HACE1: variants seen among roughly 807,000 people sequenced by gnomAD.
HACE1 encodes the protein HECT domain and ankyrin repeat containing E3 ubiquitin protein ligase 1.
HACE1 carries 73 observed loss-of-function variants against 118.4 expected under a neutral mutation model. The ratio of observed to expected loss-of-function variants is 0.62; its 90% CI spans 0.51 to 0.75. The LOEUF (loss-of-function observed/expected upper bound fraction) is 0.75, where lower values mean the gene tolerates loss of function less well. Ranked by LOEUF, HACE1 falls within the 30% of genes least tolerant of loss-of-function variation. The pLI, the probability that HACE1 is intolerant of heterozygous loss-of-function variation, is 0.00. For missense variants in HACE1, 749 were observed against 1,102.2 expected (o/e 0.68, Z 4.54); for synonymous variants, 368 against 374.8 (o/e 0.98, Z 0.21).
chr6:104,838,890 TAAAAA>T (rs71003448), intron 5 of HACE1, among the ~76,000 whole-genome samples: 12 of 58,858 alleles, frequency 2.0e-4, no homozygotes, highest in Middle Eastern at 0.011. Flanking sequence ...AACTCCATAG[TAAAAA>T]AAAAAAAAAA....
intron 11 of HACE1, 64 bp downstream of exon 11, chr6:104,791,437 ATGC>A: frequency 7.4e-7 from 1 of 1,346,690 alleles, no homozygotes; most frequent in Non-Finnish European, 1.1e-6. Flanking sequence ...TGATTAATGA[ATGC>A]ATGCTTTGTC....
At chr6:104,743,162 T>G in intron 22 of HACE1, among the ~76,000 whole-genome samples, 1 of 83,402 alleles carries the variant, frequency 1.2e-5, no homozygotes, top group African/African-American at 4.6e-5. Context: ...GGGACTGTTG[T>G]GGGGTGGGGG....
intron 1 of HACE1, chr6:104,858,424 G>A (rs1776957162): frequency 2.5e-5 from 8 of 325,702 alleles, no homozygotes; most frequent in Non-Finnish European, 4.9e-5. Flanking sequence ...CCCCAGGCCA[G>A]GCGCGGTGGC....
At chr6:104,827,466 CT>C (rs1333426244) in intron 6 of HACE1, among the ~76,000 whole-genome samples, 1 of 152,104 alleles carries the variant, frequency 6.6e-6, no homozygotes, top group Non-Finnish European at 1.5e-5. Context: ...CTATTGAGAA[CT>C]TTGAATTCTT....
chr6:104,763,760 G>A (rs1779659880), intron 19 of HACE1, among the ~76,000 whole-genome samples: 1 of 152,122 alleles, frequency 6.6e-6, no homozygotes, highest in Non-Finnish European at 1.5e-5. Context: ...TGATTAAAAG[G>A]TACTGTAGGC....
At chr6:104,791,387 A>G (rs186989154) in intron 11 of HACE1, 117 bp downstream of exon 11, 1,345 of 863,076 alleles carry the variant, frequency 1.6e-3, no homozygotes, top group Non-Finnish European at 2.1e-3. Context: ...TGAAAGTGAT[A>G]TGGGTATAAA....
chr6:104,770,992 G>A (rs111610820), intron 19 of HACE1, among the ~76,000 whole-genome samples: 69 of 152,250 alleles, frequency 4.5e-4, no homozygotes, highest in African/African-American at 1.7e-3. Context: ...AACCAACTCA[G>A]CACAGCTAGC....
At chr6:104,834,809 C>CTTACTATTGATTT (rs1582705972) in intron 5 of HACE1, among the ~76,000 whole-genome samples, 1 of 152,148 alleles carries the variant, frequency 6.6e-6, no homozygotes, top group East Asian at 1.9e-4. Context: ...ATAGTAAGTA[C>CTTACTATTGATTT]CATGCACCTC....
intron 2 of HACE1, among the ~76,000 whole-genome samples, chr6:104,851,675 TAAAG>T (rs1776218617): frequency 6.6e-6 from 1 of 152,008 alleles, no homozygotes; most frequent in African/African-American, 2.4e-5. Flanking sequence ...TTTGGCCAAA[TAAAG>T]AAAATCAGAC....
chr6:104,817,066 C>T (rs1181877111), intron 6 of HACE1, among the ~76,000 whole-genome samples: 2 of 152,126 alleles, frequency 1.3e-5, no homozygotes, highest in African/African-American at 4.8e-5. Context: ...ATTTTACAGG[C>T]TCATAGGCAG....
intron 1 of HACE1, chr6:104,858,467 C>G: frequency 2.6e-6 from 1 of 390,364 alleles, no homozygotes; most frequent in Non-Finnish European, 5.1e-6. Flanking sequence ...TTGGGGGGAG[C>G]AGGGTGCGGA....
At chr6:104,805,887 T>C (rs1389521739) in intron 7 of HACE1, among the ~76,000 whole-genome samples, 1 of 151,706 alleles carries the variant, frequency 6.6e-6, no homozygotes, top group Non-Finnish European at 1.5e-5. Flanking sequence ...AATTTAGTAC[T>C]CAAAAAAATT....
In HACE1 at chr6:104,729,478, T is replaced by C. The variant is rs1181011113; in HGVS notation, c.*184A>G. ...TGTGATTTTATATTTTCTAATTGTATCACAAACAGAGAAAACATAAAAGGG... is the reference window on the plus strand; with the variant it reads ...TGTGATTTTATATTTTCTAATTGTACCACAAACAGAGAAAACATAAAAGGG... On this transcript the variant is annotated 3_prime_UTR_variant, in exon 24 of 24. Transcript: ENST00000262903. The C allele has an allele frequency of 1.6e-6, 1 of 609,356 alleles. No individual in the cohort carries two copies. The highest frequency in any genetic ancestry group is 2.9e-6 in the Non-Finnish European group (1 of 342,212). The allele number at this position is 609,356 out of a possible 1,614,324, so 37.7% of individuals were successfully genotyped here.
chr6:104,743,114 A>G (rs1776977870), intron 22 of HACE1, among the ~76,000 whole-genome samples: 1 of 143,568 alleles, frequency 7.0e-6, no homozygotes, highest in Non-Finnish European at 1.5e-5. Context: ...TTGAACAATG[A>G]GATCACATGG....
intron 5 of HACE1, among the ~76,000 whole-genome samples, chr6:104,840,801 T>A (rs1384323578): frequency 1.3e-5 from 2 of 152,108 alleles, no homozygotes; most frequent in Non-Finnish European, 2.9e-5. Flanking sequence ...CCGTCTCTAC[T>A]AAAAATACAA....
At position 104,774,224 on chromosome 6, in the gene HACE1, G is replaced by T. The variant is rs1307451571; in HGVS notation, c.1865-2150C>A. 1.6e-5 allele frequency among the ~76,000 whole-genome samples: 2 copies of T among 126,326 alleles called. 1 individual carries two copies. The highest frequency in any genetic ancestry group is 3.3e-5 in the Non-Finnish European group (2 of 61,320). The allele number at this position is 126,326 out of a possible 152,430, so 82.9% of individuals were successfully genotyped here. A position where few individuals can be genotyped will look rare whatever the true frequency, so the allele number is the denominator to read the frequency against. ...CCTGCCTCAGCCTCCCAAGTAGCTG[G>T]GACTACAGGCGCCCGCCACTACGCC... is the stretch of plus-strand genomic sequence containing the variant. On this transcript the variant is annotated intron_variant, in intron 17 of 23. Transcript: ENST00000262903.
At chr6:104,843,891 A>T (rs1775355067) in intron 4 of HACE1, among the ~76,000 whole-genome samples, 1 of 151,264 alleles carries the variant, frequency 6.6e-6, no homozygotes, top group Admixed American at 6.6e-5. Flanking sequence ...TTTTTGAGAC[A>T]GAGTCTTGCC....
intron 6 of HACE1, among the ~76,000 whole-genome samples, chr6:104,822,202 CT>C (rs1451653727): frequency 9.1e-5 from 3 of 33,102 alleles, no homozygotes; most frequent in South Asian, 9.7e-4. Context: ...CCCGTCTCTA[CT>C]AAAAAAAAAA....
chr6:104,841,197 CTG>C (rs1337246498), intron 5 of HACE1, among the ~76,000 whole-genome samples: 1 of 151,504 alleles, frequency 6.6e-6, no homozygotes, highest in Admixed American at 6.6e-5. Flanking sequence ...GGCCAAGAGA[CTG>C]TTTTCTACAA....
Sources: allele counts gnomAD v4.1 joint callset (sites outside exome capture counted in the v4.1 genomes callset), GRCh38; gene constraint gnomAD v4.1.1; transcripts MANE v1.5; gene names NCBI Gene and HGNC (gene_info 2026-07-23, HGNC 2026-07-21).